The following KIRREL3 variants were observed in gnomAD, a reference collection of about 807,000 sequenced individuals.
KIRREL3 encodes the protein kirre like nephrin family adhesion molecule 3, also known as kin of IRRE-like protein 3.
A neutral mutation model predicts 89.7 loss-of-function variants in KIRREL3; 36 were observed. That is an observed-to-expected ratio of 0.40 (90% CI 0.31 to 0.53). The LOEUF (loss-of-function observed/expected upper bound fraction) is 0.53, where lower values mean the gene tolerates loss of function less well. Ranked by LOEUF, KIRREL3 falls within the 20% of genes least tolerant of loss-of-function variation. KIRREL3 has a pLI of 0.49. For missense variants in KIRREL3, 864 were observed against 1,056.6 expected (o/e 0.82, Z 2.53); for synonymous variants, 445 against 441.4 (o/e 1.01, Z -0.10).
intron 1 of KIRREL3, among the ~76,000 whole-genome samples, chr11:126,770,391 G>A (rs142136365): frequency 4.6e-5 from 7 of 152,298 alleles, no homozygotes; most frequent in East Asian, 1.9e-4. Context: ...CACTACAGTC[G>A]CAGCGACACT....
In KIRREL3 at chr11:126,751,135, T is replaced by C. The variant is rs571347551; in HGVS notation, c.56-188223A>G. On this transcript the variant is annotated intron_variant, in intron 1 of 16. Transcript: ENST00000525144. ...TCATGTCAACAGTATAGACACACTG[T>C]CGGAATGCATCCTGTAGCGCCACAG... 6.6e-5 allele frequency among the ~76,000 whole-genome samples: 10 copies of C among 152,328 alleles called. No individual in the cohort carries two copies. The South Asian group carries it at 2.1e-3, about 32-fold the overall frequency.
rs1313125566 is a variant in KIRREL3 at position 126,495,961 on chromosome 11, T to C, written c.434-22495A>G. On this transcript the variant is annotated intron_variant, in intron 4 of 16. Transcript: ENST00000525144. This position sits in a 1 kb window ranked among gnomAD's most constrained non-coding sequence, Gnocchi z 6.5. ...ACATGCACAGATCATCCTTTCTCAGTATCTGCACTGCTACTACCCCAGCGC... is the reference window on the plus strand; with the variant it reads ...ACATGCACAGATCATCCTTTCTCAGCATCTGCACTGCTACTACCCCAGCGC... 6.6e-6 allele frequency among the ~76,000 whole-genome samples: 1 copy of C among 152,210 alleles called. No individual in the cohort carries two copies. The highest frequency in any genetic ancestry group is 1.5e-5 in the Non-Finnish European group (1 of 68,038).
chr11:126,563,420 G>A lies in KIRREL3; in HGVS notation c.56-508C>T, dbSNP rs1940275270. 6.6e-6 allele frequency among the ~76,000 whole-genome samples: 1 copy of A among 152,228 alleles called. No individual in the cohort carries two copies. Among genetic ancestry groups the A allele is most frequent in the Admixed American group, 6.5e-5 (1 of 15,286 alleles). Reference sequence around the variant, plus strand: ...GGTGACTCAGGAGGATGAAGTGATTGCGTGAGTTTAGGGCAGCGGGGCGAC... The same window carrying A: ...GGTGACTCAGGAGGATGAAGTGATTACGTGAGTTTAGGGCAGCGGGGCGAC... On this transcript the variant is annotated intron_variant, in intron 1 of 16. Coordinates refer to ENST00000525144, the MANE Select transcript of KIRREL3 (RefSeq NM_032531.4). This position sits in a 1 kb window ranked among gnomAD's most constrained non-coding sequence, Gnocchi z 6.8.
chr11:126,671,775 A>G (rs1160220655), intron 1 of KIRREL3, among the ~76,000 whole-genome samples: 1 of 152,208 alleles, frequency 6.6e-6, no homozygotes, highest in East Asian at 1.9e-4. Context: ...AAAAGCTGAC[A>G]ATACTGGCAA....
At chr11:126,826,130 G>A (rs12796750) in intron 1 of KIRREL3, among the ~76,000 whole-genome samples, 46,852 of 151,864 alleles carry the variant, frequency 0.31, 7,575 homozygotes, top group East Asian at 0.43. Context: ...CCCAGCTCTT[G>A]GATGTCTTCC....
intron 1 of KIRREL3, among the ~76,000 whole-genome samples, chr11:126,631,596 G>C (rs1328475691): frequency 6.6e-6 from 1 of 152,188 alleles, no homozygotes; most frequent in Non-Finnish European, 1.5e-5. Context: ...GGGTGGTGCA[G>C]GCAAGACCAA....
At chr11:126,473,656 T>C (rs924274832) in intron 4 of KIRREL3, among the ~76,000 whole-genome samples, 190 bp from the exon 5 acceptor site, 1 of 152,272 alleles carries the variant, frequency 6.6e-6, no homozygotes, top group South Asian at 2.1e-4. Context: ...ACTGCGTGCT[T>C]ACAGTGGAGG....
At chr11:126,829,181 G>T (rs1443732158) in intron 1 of KIRREL3, among the ~76,000 whole-genome samples, 1 of 152,198 alleles carries the variant, frequency 6.6e-6, no homozygotes, top group Non-Finnish European at 1.5e-5. Flanking sequence ...AACAGGAGGA[G>T]GAGAGCCTGA....
chr11:126,631,774 G>A (rs1944035587), intron 1 of KIRREL3, among the ~76,000 whole-genome samples: 1 of 152,134 alleles, frequency 6.6e-6, no homozygotes, highest in South Asian at 2.1e-4. Flanking sequence ...CTCACAAAAG[G>A]CAGAAATTAT....
intron 15 of KIRREL3, among the ~76,000 whole-genome samples, chr11:126,426,143 G>A (rs1954934979): frequency 6.6e-6 from 1 of 152,232 alleles, no homozygotes; most frequent in African/African-American, 2.4e-5. Flanking sequence ...CAGGGAGATG[G>A]ACTTGTAGAT....
chr11:126,660,410 C>T (rs777255502), intron 1 of KIRREL3, among the ~76,000 whole-genome samples: 6 of 152,210 alleles, frequency 3.9e-5, no homozygotes, highest in Non-Finnish European at 8.8e-5. Flanking sequence ...CACTGACGTG[C>T]ATTGCATCAT....
At chr11:126,701,984 C>T (rs1402968549) in intron 1 of KIRREL3, among the ~76,000 whole-genome samples, 2 of 152,150 alleles carry the variant, frequency 1.3e-5, no homozygotes, top group Non-Finnish European at 2.9e-5. Context: ...GTTAGGTCTC[C>T]TTCCTTTCTT....
In KIRREL3 at chr11:126,643,013, T is replaced by TCCATCCATCCAA. The variant is rs2134937641; in HGVS notation, c.56-80102_56-80101insTTGGATGGATGG. Among the ~76,000 whole-genome samples, 1 of 152,094 alleles carries TCCATCCATCCAA rather than the reference T, an allele frequency of 6.6e-6. No homozygotes were observed. ...ATCCATCCATCCATCCATCCATCCA[T>TCCATCCATCCAA]CCATCTATCCATCCATCCAATGCAA... On this transcript the variant is annotated intron_variant, in intron 1 of 16. Coordinates refer to ENST00000525144, the MANE Select transcript of KIRREL3 (RefSeq NM_032531.4). This position sits in a 1 kb window ranked among gnomAD's most constrained non-coding sequence, Gnocchi z 4.5.
At chr11:126,540,340 G>A (rs1056327670) in intron 2 of KIRREL3, among the ~76,000 whole-genome samples, 3 of 152,204 alleles carry the variant, frequency 2.0e-5, no homozygotes, top group African/African-American at 7.2e-5. Context: ...GGCTGGATGA[G>A]GGGGTGGAAA....
intron 2 of KIRREL3, among the ~76,000 whole-genome samples, chr11:126,548,209 C>T (rs747437869): frequency 2.6e-5 from 4 of 152,178 alleles, no homozygotes; most frequent in Non-Finnish European, 4.4e-5. Flanking sequence ...ATTATATGCC[C>T]ATCTCCCCAA....
In KIRREL3 at chr11:126,607,970, C is replaced by G. The variant is rs1010988187; in HGVS notation, c.56-45058G>C. 1.3e-5 allele frequency among the ~76,000 whole-genome samples: 2 copies of G among 152,160 alleles called. No individual in the cohort carries two copies. The highest frequency in any genetic ancestry group is 2.9e-5 in the Non-Finnish European group (2 of 68,032). On this transcript the variant is annotated intron_variant, in intron 1 of 16. Transcript: ENST00000525144. The surrounding 1 kb of genome is among the most constrained non-coding windows in gnomAD (Gnocchi z 6.6). ...GCTCAGCCCCATCGCAGCAAGGGCC[C>G]GAGGAACGAGCACGTCAGCTGTCTC...
chr11:126,889,375 C>T (rs919163695), intron 1 of KIRREL3, among the ~76,000 whole-genome samples: 2 of 152,148 alleles, frequency 1.3e-5, no homozygotes, highest in South Asian at 2.1e-4. Context: ...CATTGACATT[C>T]GTCATCATTA....
At chr11:126,758,979 T>C (rs1000304614) in intron 1 of KIRREL3, among the ~76,000 whole-genome samples, 7 of 152,226 alleles carry the variant, frequency 4.6e-5, no homozygotes, top group African/African-American at 1.7e-4. Context: ...TTGATTATAT[T>C]TCCTTTGGGT....
intron 1 of KIRREL3, among the ~76,000 whole-genome samples, chr11:126,749,875 T>G (rs987194624): frequency 1.3e-5 from 2 of 152,166 alleles, no homozygotes; most frequent in Non-Finnish European, 2.9e-5. Context: ...TAGAGATTGT[T>G]GTCTAACCTC....
Sources: gnomAD v4.1 joint callset for allele counts (sites outside exome capture counted in the v4.1 genomes callset) on GRCh38, gnomAD v4.1.1 for gene constraint, Gnocchi (gnomAD v3.1) non-coding constraint, MANE v1.5 for transcripts, NCBI Gene and HGNC (gene_info 2026-07-23, HGNC 2026-07-21) for gene names.